The following PTPRT variants were observed in gnomAD, a reference collection of about 807,000 sequenced individuals.
The protein encoded by PTPRT is protein tyrosine phosphatase receptor type T, also known as receptor-type tyrosine-protein phosphatase T.
Under a neutral mutation model 176.8 loss-of-function variants are expected in PTPRT, and 56 were observed. The ratio of observed to expected loss-of-function variants is 0.32; its 90% CI spans 0.26 to 0.40. PTPRT has a LOEUF of 0.40. Ranked by LOEUF, PTPRT falls within the 10% of genes least tolerant of loss-of-function variation. The pLI, the probability that PTPRT is intolerant of heterozygous loss-of-function variation, is 1.00. For missense variants in PTPRT, 1,540 were observed against 1,908.2 expected (o/e 0.81, Z 3.60); for synonymous variants, 783 against 739.0 (o/e 1.06, Z -0.96).
At chr20:42,713,184 G>T (rs1167858958) in intron 6 of PTPRT, among the ~76,000 whole-genome samples, 1 of 147,460 alleles carries the variant, frequency 6.8e-6, no homozygotes, top group Non-Finnish European at 1.5e-5. Context: ...CACACACACA[G>T]AGTAACATTG....
intron 23 of PTPRT, among the ~76,000 whole-genome samples, chr20:42,109,456 G>GTGAC (rs1986820664): frequency 1.3e-5 from 2 of 152,136 alleles, no homozygotes; most frequent in South Asian, 4.1e-4. Flanking sequence ...CATTCTCAAT[G>GTGAC]TGACTTTCTA....
At chr20:42,663,668 G>A (rs2075265292) in intron 7 of PTPRT, among the ~76,000 whole-genome samples, 1 of 152,120 alleles carries the variant, frequency 6.6e-6, no homozygotes, top group South Asian at 2.1e-4. Flanking sequence ...CAGCTGATAT[G>A]CGGTCTGTGT....
Position 42,697,763 on chromosome 20 carries a change from T to C in PTPRT, c.860-19604A>G, listed in dbSNP as rs544060233. Among the ~76,000 whole-genome samples the C allele has an allele frequency of 3.3e-5, 5 of 152,380 alleles. No individual in the cohort carries two copies. The South Asian group carries it at 1.0e-3, about 32-fold the overall frequency. On this transcript the variant is annotated intron_variant, in intron 6 of 30. Transcript: ENST00000373187. The stretch of plus-strand genomic sequence containing the variant: ...AAAATGAGAAGTGAATTTGAAAGCA[T>C]GCTCTGCTTCAAAGATATACCTTGG...
At chr20:42,740,340 C>T (rs986498095) in intron 6 of PTPRT, among the ~76,000 whole-genome samples, 8 of 152,240 alleles carry the variant, frequency 5.3e-5, no homozygotes, top group African/African-American at 9.6e-5. Context: ...ATTCCAGGGA[C>T]GTGGGCCAAC....
intron 7 of PTPRT, among the ~76,000 whole-genome samples, chr20:42,563,223 C>T (rs1385120488): frequency 6.6e-6 from 1 of 151,812 alleles, no homozygotes; most frequent in African/African-American, 2.4e-5. Flanking sequence ...TAAAGCTCCC[C>T]AAAGAAAAAA....
At chr20:42,617,813 A>G (rs1211253696) in intron 7 of PTPRT, among the ~76,000 whole-genome samples, 2 of 137,930 alleles carry the variant, frequency 1.5e-5, no homozygotes, top group East Asian at 3.9e-4. Context: ...TATTGCATCT[A>G]TTTGATTCTT....
chr20:42,681,474 G>A (rs1462402496), intron 6 of PTPRT, among the ~76,000 whole-genome samples: 1 of 152,192 alleles, frequency 6.6e-6, no homozygotes, highest in Non-Finnish European at 1.5e-5. Flanking sequence ...GGAGTGTTCT[G>A]CTGGGACCAC....
rs527534523 is a variant in PTPRT at position 42,932,004 on chromosome 20, A to T, written c.89-46072T>A. ...AGGCTGGAAACCACTATCTGAGGCC[A>T]CAGCAGCCTCCTTGTCCCATGAATG... On this transcript the variant is annotated intron_variant, in intron 1 of 30. Transcript: ENST00000373187. Among the ~76,000 whole-genome samples, 13 of 152,352 alleles carry T rather than the reference A, an allele frequency of 8.5e-5. No homozygotes were observed. In the East Asian group the frequency reaches 1.9e-3, roughly 23 times the overall value.
chr20:42,340,933 G>A (rs1600858246), intron 11 of PTPRT, among the ~76,000 whole-genome samples: 1 of 152,042 alleles, frequency 6.6e-6, no homozygotes, highest in Non-Finnish European at 1.5e-5. Flanking sequence ...CCCCAGGGTT[G>A]GAGGGTTTGT....
At chr20:42,571,367 C>T (rs911328641) in intron 7 of PTPRT, among the ~76,000 whole-genome samples, 25 of 152,148 alleles carry the variant, frequency 1.6e-4, no homozygotes, top group African/African-American at 2.9e-4. Context: ...CCAAGGAATG[C>T]GTACAGCTTC....
intron 8 of PTPRT, among the ~76,000 whole-genome samples, chr20:42,468,603 T>C (rs1376217488): frequency 6.6e-6 from 1 of 152,204 alleles, no homozygotes; most frequent in Non-Finnish European, 1.5e-5. Context: ...CCTGCTCTCA[T>C]GTTGTTTTGA....
At chr20:42,618,974 C>T (rs1342287200) in intron 7 of PTPRT, among the ~76,000 whole-genome samples, 3 of 151,630 alleles carry the variant, frequency 2.0e-5, no homozygotes, top group East Asian at 1.9e-4. Flanking sequence ...TGAATTTGAT[C>T]CTGTCATTAT....
At chr20:42,899,188 G>A (rs958367545) in intron 1 of PTPRT, among the ~76,000 whole-genome samples, 2 of 152,240 alleles carry the variant, frequency 1.3e-5, no homozygotes, top group African/African-American at 2.4e-5. Context: ...CTTTTCTCAC[G>A]CAACAGTGCT....
chr20:42,760,380 C>CT (rs754362528), intron 5 of PTPRT, among the ~76,000 whole-genome samples: 2,563 of 94,206 alleles, frequency 0.027, 178 homozygotes, highest in Non-Finnish European at 0.038. Flanking sequence ...TCTAAATCTG[C>CT]TTTTTTTTTT....
chr20:42,984,992 C>T (rs770268960), intron 1 of PTPRT, among the ~76,000 whole-genome samples: 12 of 152,148 alleles, frequency 7.9e-5, no homozygotes, highest in Admixed American at 3.9e-4. Context: ...GGTAAGACAG[C>T]AGGCAATTCA....
intron 2 of PTPRT, among the ~76,000 whole-genome samples, chr20:42,791,933 G>C (rs886259630): frequency 2.6e-5 from 4 of 152,192 alleles, no homozygotes; most frequent in African/African-American, 9.7e-5. Context: ...CAGAAACAGA[G>C]GGTATGTCCC....
intron 1 of PTPRT, among the ~76,000 whole-genome samples, chr20:42,946,444 G>C (rs907794758): frequency 6.6e-6 from 1 of 152,128 alleles, no homozygotes; most frequent in Admixed American, 6.5e-5. Flanking sequence ...GAAATCCCAA[G>C]AACTAACCAA....
At chr20:42,726,970 A>G (rs1169339451) in intron 6 of PTPRT, among the ~76,000 whole-genome samples, 1 of 152,244 alleles carries the variant, frequency 6.6e-6, no homozygotes. Flanking sequence ...AAAGAAGCAG[A>G]CATGCTATGA....
intron 1 of PTPRT, among the ~76,000 whole-genome samples, chr20:43,071,683 G>T (rs1298777426): frequency 6.9e-6 from 1 of 144,394 alleles, no homozygotes; most frequent in African/African-American, 2.9e-5. Flanking sequence ...TACTCGGGAG[G>T]CTGAGTCAGG....
Sources: gnomAD v4.1 joint callset for allele counts (sites outside exome capture counted in the v4.1 genomes callset) on GRCh38, gnomAD v4.1.1 for gene constraint, MANE v1.5 for transcripts, NCBI Gene and HGNC (gene_info 2026-07-23, HGNC 2026-07-21) for gene names.